EIF2B3: variants seen among roughly 807,000 people sequenced by gnomAD.
The protein encoded by EIF2B3 is eukaryotic translation initiation factor 2B subunit gamma, also known as translation initiation factor eIF2B subunit gamma.
In EIF2B3, 20 loss-of-function variants were observed where a neutral mutation model predicts 54.1. That is an observed-to-expected ratio of 0.37 (90% confidence interval 0.26 to 0.54). The LOEUF (loss-of-function observed/expected upper bound fraction) is 0.54, where lower values mean the gene tolerates loss of function less well. Ranked by LOEUF, EIF2B3 falls within the 20% of genes least tolerant of loss-of-function variation. The probability of loss-of-function intolerance (pLI) is 0.86; values close to 1 mark genes in which losing one functional copy is unlikely to be tolerated. For missense variants in EIF2B3, 448 were observed against 547.8 expected, an observed-to-expected ratio of 0.82 and a Z score of 1.82; for synonymous variants, 153 against 188.1, an observed-to-expected ratio of 0.81 and a Z score of 1.52.
At chr1:44,872,960 T>C (rs896462961) in intron 10 of EIF2B3, among the ~76,000 whole-genome samples, 2 of 152,202 alleles carry the variant, frequency 1.3e-5, no homozygotes, top group African/African-American at 4.8e-5. Flanking sequence ...TCTCTATTAG[T>C]GGTGTGCTGA....
chr1:44,900,075 T>A (rs1472292716), intron 5 of EIF2B3, among the ~76,000 whole-genome samples: 1 of 152,122 alleles, frequency 6.6e-6, no homozygotes, highest in Non-Finnish European at 1.5e-5. Context: ...AGCAAAGTAA[T>A]GTAGAAACAG....
Position 44,881,874 on chromosome 1 carries a change from G to T in EIF2B3, c.657-135C>A. 2 of 1,225,536 alleles carry T rather than the reference G, an allele frequency of 1.6e-6. No homozygotes were observed. Among genetic ancestry groups the T allele is most frequent in the Non-Finnish European group, 2.3e-6 (2 of 862,672 alleles). 75.9% of individuals were successfully genotyped at this position (1,225,536 alleles called of 1,614,324 possible). On this transcript the variant is annotated intron_variant, in intron 6 of 11. Transcript: ENST00000360403. This position sits in a 1 kb window ranked among gnomAD's most constrained non-coding sequence, Gnocchi z 4.0. Reference sequence around the variant, plus strand: ...TTGGGACTGTCAGAGATCAAATGTGGCATTGACTTGGCAGTTCGGAGAAGC... The same window carrying T: ...TTGGGACTGTCAGAGATCAAATGTGTCATTGACTTGGCAGTTCGGAGAAGC...
intron 3 of EIF2B3, chr1:44,958,478 T>A (rs1644250599): frequency 1.3e-6 from 1 of 786,840 alleles, no homozygotes; most frequent in Admixed American, 2.6e-5. Context: ...GTGCTGTAAA[T>A]CCTGGATATA....
chr1:44,941,763 C>G, intron 3 of EIF2B3, 98 bp from the exon 4 acceptor site: 2 of 1,356,318 alleles, frequency 1.5e-6, no homozygotes, highest in Non-Finnish European at 2.1e-6. Flanking sequence ...CCACACAAAT[C>G]AGACAATACT....
chr1:44,928,320 G>A (rs948433252), intron 4 of EIF2B3, among the ~76,000 whole-genome samples: 6 of 151,928 alleles, frequency 3.9e-5, no homozygotes, highest in East Asian at 3.9e-4. Flanking sequence ...GGTGGCAGGC[G>A]CCTGTAATCC....
chr1:44,927,414 C>T (rs1643864759), intron 4 of EIF2B3, among the ~76,000 whole-genome samples: 1 of 151,980 alleles, frequency 6.6e-6, no homozygotes, highest in African/African-American at 2.4e-5. Context: ...ATGCCATACA[C>T]CTTTAAATGA....
chr1:44,869,472 T>C (rs1284808308), intron 10 of EIF2B3, among the ~76,000 whole-genome samples: 1 of 145,424 alleles, frequency 6.9e-6, no homozygotes, highest in African/African-American at 2.6e-5. Context: ...AGTGAGACTA[T>C]CTCGGAAAAA....
At chr1:44,962,004 C>T (rs1644289808) in intron 3 of EIF2B3, among the ~76,000 whole-genome samples, 1 of 152,064 alleles carries the variant, frequency 6.6e-6, no homozygotes, top group Non-Finnish European at 1.5e-5. Flanking sequence ...CCAGCCTGGG[C>T]AACATGATGA....
chr1:44,947,138 T>G (rs1644111717), intron 3 of EIF2B3, among the ~76,000 whole-genome samples: 1 of 152,174 alleles, frequency 6.6e-6, no homozygotes, highest in South Asian at 2.1e-4. Flanking sequence ...CAACAGTCAT[T>G]GGTATGCCTC....
intron 4 of EIF2B3, among the ~76,000 whole-genome samples, chr1:44,934,171 G>A (rs904339910): frequency 5.3e-5 from 8 of 152,178 alleles, no homozygotes; most frequent in African/African-American, 1.9e-4. Flanking sequence ...GCTGAGGCAG[G>A]TGGATCACGA....
At chr1:44,930,047 TA>T (rs1210556593) in intron 4 of EIF2B3, among the ~76,000 whole-genome samples, 1 of 151,528 alleles carries the variant, frequency 6.6e-6, no homozygotes, top group African/African-American at 2.4e-5. Context: ...GAACTTCTAT[TA>T]AAAAAAAAGT....
intron 4 of EIF2B3, chr1:44,940,852 AC>A (rs983838731): frequency 2.0e-5 from 3 of 152,254 alleles, no homozygotes; most frequent in Non-Finnish European, 4.4e-5. Context: ...CATTGAAAGA[AC>A]CAGCCATACT....
chr1:44,926,716 C>T lies in EIF2B3; in HGVS notation c.478G>A (p.Val160Met). 2 of 1,613,736 alleles carry T rather than the reference C, an allele frequency of 1.2e-6. No homozygotes were observed. Among genetic ancestry groups the T allele is most frequent in the African/African-American group, 1.3e-5 (1 of 75,000 alleles). The change falls in exon 5 of 12, where the codon GTG becomes ATG. Residue 160 changes from valine (V) to methionine (M), a missense_variant. Physicochemically the swap from Val to Met is conservative, Grantham distance 21. Around this residue, in one of 3 missense-constraint regions of EIF2B3, gnomAD observed 350 missense variants for 414.2 expected, o/e 0.85. Coordinates refer to ENST00000360403, the MANE Select transcript of EIF2B3 (RefSeq NM_020365.5). ...KAVEQRDFIG[V>M]DSTGKRLLFM... ...AGCAGCCTCTTTCCTGTGCTGTCCA[C>T]TCCAATGAAGTCACGCTGCTCCACT...
intron 10 of EIF2B3, among the ~76,000 whole-genome samples, chr1:44,858,476 A>G (rs921771889): frequency 2.0e-5 from 3 of 151,986 alleles, no homozygotes. Context: ...CATTCAAAAA[A>G]ATTTTTTTTT....
In EIF2B3 at chr1:44,874,923, AT is replaced by A; in HGVS notation, c.1054-98del. 2.7e-6 allele frequency: 4 copies of A among 1,460,192 alleles called. No individual in the cohort carries two copies. In the South Asian group the frequency reaches 4.6e-5, roughly 17 times the overall value. The allele number at this position is 1,460,192 out of a possible 1,614,324, so 90.5% of individuals were successfully genotyped here. On this transcript the variant is annotated intron_variant, in intron 9 of 11. Coordinates refer to ENST00000360403, the MANE Select transcript of EIF2B3 (RefSeq NM_020365.5). The stretch of plus-strand genomic sequence containing the variant: ...AGCTGGGATCTAATGGGATCTTTCC[AT>A]AGAGACACTTCAGCAAGAGGGACCA...
chr1:44,897,377 C>T lies in EIF2B3; in HGVS notation c.634G>A (p.Val212Met), dbSNP rs373839928. The change falls in exon 6 of 12, where the codon GTG becomes ATG. Residue 212 changes from valine (V) to methionine (M), a missense_variant. Physicochemically the swap from Val to Met is conservative, Grantham distance 21. This residue lies in a region of EIF2B3 where 350 missense variants were observed against 414.2 expected (regional missense o/e 0.85). Transcript: ENST00000360403. ...TACCCATTTTCCATTAGGAAATCCA[C>T]GATGTATTTTTTCAAACAGTAGAGG... ...AHLYCLKKYI[V>M]DFLMENGSIT... The T allele has an allele frequency of 4.9e-5, 79 of 1,613,180 alleles. No homozygotes were observed. The highest frequency in any genetic ancestry group is 8.3e-5 in the Admixed American group (5 of 59,970).
In EIF2B3 at chr1:44,911,829, GTA is replaced by G. The variant is rs1003208868; in HGVS notation, c.567-14387_567-14386del. The stretch of plus-strand genomic sequence containing the variant: ...CCACTAACTCGTCATCTAGCATTAG[GTA>G]TATCTCCCAATGCTATCCCTCCCCC... On this transcript the variant is annotated intron_variant, in intron 5 of 11. Coordinates refer to ENST00000360403, the MANE Select transcript of EIF2B3 (RefSeq NM_020365.5). Among the ~76,000 whole-genome samples, 19 of 150,842 alleles carry G rather than the reference GTA, an allele frequency of 1.3e-4. 1 individual carries two copies. The highest frequency in any genetic ancestry group is 3.0e-5 in the Non-Finnish European group (2 of 67,792).
At chr1:44,876,691 G>T in intron 8 of EIF2B3, among the ~76,000 whole-genome samples, 1 of 136,286 alleles carries the variant, frequency 7.3e-6, no homozygotes. Flanking sequence ...CCCTCTGGGA[G>T]GTGTACCCAA....
At chr1:44,899,311 C>T (rs1056277615) in intron 5 of EIF2B3, among the ~76,000 whole-genome samples, 1 of 152,182 alleles carries the variant, frequency 6.6e-6, no homozygotes, top group Non-Finnish European at 1.5e-5. Context: ...TCTCACATGA[C>T]TGTTTATAAT....
Sources: gnomAD v4.1 joint callset for allele counts (sites outside exome capture counted in the v4.1 genomes callset) on GRCh38, gnomAD v4.1.1 for gene constraint, gnomAD v4.1.1 regional missense constraint, Gnocchi (gnomAD v3.1) non-coding constraint, MANE v1.5 for transcripts, NCBI Gene and HGNC (gene_info 2026-07-23, HGNC 2026-07-21) for gene names.